Variants in MECOM observed in about 807,000 individuals in gnomAD.
MECOM encodes histone-lysine N-methyltransferase MECOM.
In MECOM, 13 loss-of-function variants were observed where a neutral mutation model predicts 116.3. That is an observed-to-expected ratio of 0.11 (90% confidence interval 0.07 to 0.18). The LOEUF is 0.18. Ranked by LOEUF, MECOM falls within the 10% of genes least tolerant of loss-of-function variation. The pLI is 1.00. For synonymous variants in MECOM, 528 were observed against 535.2 expected, an observed-to-expected ratio of 0.99 and a Z score of 0.19; for missense variants, 1,299 against 1,509.0, an observed-to-expected ratio of 0.86 and a Z score of 2.31.
chr3:169,373,639 C>T (rs1730520450), intron 2 of MECOM, among the ~76,000 whole-genome samples: 2 of 151,912 alleles, frequency 1.3e-5, no homozygotes, highest in African/African-American at 4.8e-5. Context: ...GCATGCAATG[C>T]ATAATAATCA....
rs183179771 is a variant in MECOM at position 169,418,068 on chromosome 3, T to C, written c.38-36544A>G. 5.8e-4 allele frequency among the ~76,000 whole-genome samples: 87 copies of C among 148,906 alleles called. No individual in the cohort carries two copies. The South Asian group carries it at 7.2e-3, about 12-fold the overall frequency. ...CACATGTATACATATGTAACTAACC[T>C]GCACATTGTGCACATGTACCCTAAA... On this transcript the variant is annotated intron_variant, in intron 1 of 16. Transcript: ENST00000651503.
intron 2 of MECOM, among the ~76,000 whole-genome samples, chr3:169,346,485 C>CTTAATAA (rs1725373787): frequency 6.6e-6 from 1 of 151,902 alleles, no homozygotes; most frequent in Non-Finnish European, 1.5e-5. Flanking sequence ...TCTTAATGTA[C>CTTAATAA]TACAGTAAGA....
At chr3:169,425,370 AT>A (rs1042943521) in intron 1 of MECOM, among the ~76,000 whole-genome samples, 1 of 152,194 alleles carries the variant, frequency 6.6e-6, no homozygotes, top group African/African-American at 2.4e-5. Flanking sequence ...ACATGCAGGC[AT>A]TCTCTCAAAT....
chr3:169,116,889 C>A, intron 7 of MECOM, 150 bp from the exon 8 acceptor site: 2 of 959,558 alleles, frequency 2.1e-6, no homozygotes, highest in Non-Finnish European at 2.9e-6. Context: ...ACACAGAAAA[C>A]CCCATTTCAC....
At position 169,090,228 on chromosome 3, in the gene MECOM, C is replaced by G; in HGVS notation, c.3173G>C (p.Gly1058Ala). The change falls in exon 15 of 17, where the codon GGC (glycine) becomes GCC (alanine). Residue 1058 changes from glycine to alanine, a missense_variant. Around this residue, in one of 6 missense-constraint regions of MECOM, gnomAD observed 273 missense variants for 289.3 expected, o/e 0.94. Coordinates refer to ENST00000651503, the MANE Select transcript of MECOM (RefSeq NM_004991.4). ...SPRNVEERMN[G>A]SHFKDEKALV... ...AGCCTTTTCATCTTTAAAATGACTG[C>G]CATTCATTCTTTCAAAAGCATTAAA... 1.3e-6 allele frequency: 2 copies of G among 1,599,466 alleles called. No individual in the cohort carries two copies. Among genetic ancestry groups the G allele is most frequent in the Non-Finnish European group, 1.7e-6 (2 of 1,175,940 alleles).
At chr3:169,443,240 C>T (rs953660710) in intron 1 of MECOM, among the ~76,000 whole-genome samples, 4 of 152,098 alleles carry the variant, frequency 2.6e-5, no homozygotes, top group Non-Finnish European at 5.9e-5. Flanking sequence ...GACTCTCTTC[C>T]AAATGCCACC....
intron 2 of MECOM, among the ~76,000 whole-genome samples, chr3:169,276,281 G>A (rs1577556264): frequency 6.6e-6 from 1 of 152,188 alleles, no homozygotes; most frequent in East Asian, 1.9e-4. Flanking sequence ...GCCGGGCGCA[G>A]TGGCTCACGC....
chr3:169,524,977 A>T (rs1156502206), intron 1 of MECOM, among the ~76,000 whole-genome samples: 1 of 101,046 alleles, frequency 9.9e-6, no homozygotes, highest in African/African-American at 6.1e-5. Context: ...TACTTGTTTA[A>T]AAAAAAAAAA....
intron 1 of MECOM, among the ~76,000 whole-genome samples, chr3:169,508,377 T>C (rs11914338): frequency 0.17 from 25,419 of 151,534 alleles, 2,281 homozygotes; most frequent in East Asian, 0.33. Flanking sequence ...AGGAATTTGA[T>C]AGGAAATTTG....
intron 1 of MECOM, among the ~76,000 whole-genome samples, chr3:169,635,098 T>C (rs1323561396): frequency 6.6e-6 from 1 of 152,144 alleles, no homozygotes; most frequent in Non-Finnish European, 1.5e-5. Flanking sequence ...CAGGGCATTG[T>C]CCGGGGAAGG....
chr3:169,131,595 G>A (rs556680964), intron 3 of MECOM, 64 bp from the exon 4 acceptor site: 1 of 1,275,614 alleles, frequency 7.8e-7, no homozygotes, highest in Admixed American at 2.0e-5. Flanking sequence ...TATTAACAAA[G>A]GGCAAGATAT....
At chr3:169,146,420 G>C in intron 2 of MECOM, 1 of 1,393,534 alleles carries the variant, frequency 7.2e-7, no homozygotes, top group African/African-American at 1.4e-5. Flanking sequence ...ACGGAGGGAG[G>C]GGAAGGAGGA....
intron 1 of MECOM, among the ~76,000 whole-genome samples, chr3:169,525,098 G>A (rs75921277): frequency 0.02 from 3,113 of 152,014 alleles, 35 homozygotes; most frequent in Middle Eastern, 0.037. Context: ...AAGAAATAAC[G>A]GAGTTTCTAA....
intron 1 of MECOM, among the ~76,000 whole-genome samples, chr3:169,405,956 T>C (rs1051464021): frequency 1.3e-5 from 2 of 152,198 alleles, no homozygotes; most frequent in Admixed American, 6.5e-5. Flanking sequence ...ACAGACTTCA[T>C]CAAATAATTG....
At chr3:169,243,179 T>A (rs1221197561) in intron 2 of MECOM, among the ~76,000 whole-genome samples, 3 of 152,202 alleles carry the variant, frequency 2.0e-5, no homozygotes, top group Non-Finnish European at 4.4e-5. Flanking sequence ...CACTTGACTT[T>A]TTCAGGCACA....
At chr3:169,241,707 G>A (rs1754833371) in intron 2 of MECOM, among the ~76,000 whole-genome samples, 1 of 152,126 alleles carries the variant, frequency 6.6e-6, no homozygotes, top group African/African-American at 2.4e-5. Flanking sequence ...ATTTGTTCTT[G>A]AGAAAGGAAC....
chr3:169,336,997 T>A (rs1723685832), intron 2 of MECOM, among the ~76,000 whole-genome samples: 1 of 152,152 alleles, frequency 6.6e-6, no homozygotes, highest in Non-Finnish European at 1.5e-5. Flanking sequence ...ATAACTATTT[T>A]TTAAAAAGAC....
In MECOM at chr3:169,663,527, TCTCC is replaced by T. The variant is rs1347304285; in HGVS notation, c.-159_-156del. ...CTCTCTCTCTCTCTCTCTCTCTCTC[TCTCC>T]CTCCCTCCTGTTTCTCTCCTGTTTC... On this transcript the variant is annotated 5_prime_UTR_variant, in exon 1 of 17. Transcript: ENST00000651503. The T allele has an allele frequency of 1.6e-4, 83 of 523,556 alleles. No individual in the cohort carries two copies. Among genetic ancestry groups the T allele is most frequent in the African/African-American group, 6.4e-4 (26 of 40,460 alleles). The allele number at this position is 523,556 out of a possible 1,614,324, so 32.4% of individuals were successfully genotyped here. A position where few individuals can be genotyped will look rare whatever the true frequency, so the allele number is the denominator to read the frequency against.
intron 2 of MECOM, among the ~76,000 whole-genome samples, chr3:169,248,047 T>C (rs1755814538): frequency 6.6e-6 from 1 of 152,220 alleles, no homozygotes; most frequent in African/African-American, 2.4e-5. Context: ...GAAGATTAAA[T>C]AAAATCATGT....
Sources: gnomAD v4.1 joint callset for allele counts (sites outside exome capture counted in the v4.1 genomes callset) on GRCh38, gnomAD v4.1.1 for gene constraint, gnomAD v4.1.1 regional missense constraint, MANE v1.5 for transcripts, NCBI Gene and HGNC (gene_info 2026-07-23, HGNC 2026-07-21) for gene names.